Variants in CEP192 observed in about 807,000 individuals in gnomAD.
CEP192 encodes the protein centrosomal protein 192.
Under a neutral mutation model 271.8 loss-of-function variants are expected in CEP192, and 151 were observed. That is an observed-to-expected ratio of 0.56 (90% CI 0.49 to 0.64). The LOEUF (loss-of-function observed/expected upper bound fraction) is 0.64. CEP192 is among the 30% of genes least tolerant of loss of function. The pLI is 0.00. For missense variants in CEP192, 2,910 were observed against 3,020.5 expected, an observed-to-expected ratio of 0.96 and a Z score of 0.86; for synonymous variants, 995 against 1,076.5, an observed-to-expected ratio of 0.92 and a Z score of 1.48.
intron 19 of CEP192, 31 bp from the exon 20 acceptor site, chr18:13,057,553 TG>T: frequency 6.2e-7 from 1 of 1,604,374 alleles, no homozygotes; most frequent in South Asian, 1.1e-5. Flanking sequence ...TGCTGTAACT[TG>T]CATTTTTGAC....
chr18:13,052,857 T>C, intron 17 of CEP192, 62 bp from the exon 18 acceptor site: 16 of 1,316,520 alleles, frequency 1.2e-5, no homozygotes, highest in Non-Finnish European at 1.6e-5. Context: ...GAATGGTTTT[T>C]TGCTAATGTA....
At chr18:12,995,285 T>C (rs1343654074) in intron 1 of CEP192, among the ~76,000 whole-genome samples, 3 of 151,888 alleles carry the variant, frequency 2.0e-5, no homozygotes, top group Non-Finnish European at 2.9e-5. Flanking sequence ...AGGATGGTCT[T>C]GATCTCCTGA....
intron 34 of CEP192, among the ~76,000 whole-genome samples, chr18:13,094,370 T>C (rs2039289082): frequency 6.6e-6 from 1 of 152,238 alleles, no homozygotes; most frequent in Non-Finnish European, 1.5e-5. Flanking sequence ...TAATTGGCTC[T>C]TTACTATGAG....
rs527606492 is a variant in CEP192 at position 13,018,497 on chromosome 18, C to T, written c.807C>T (p.Ser269=). 4.3e-5 allele frequency: 66 copies of T among 1,532,180 alleles called. No homozygotes were observed. The highest frequency in any genetic ancestry group is 5.7e-5 in the Non-Finnish European group (65 of 1,134,880). 94.9% of individuals were successfully genotyped at this position (1,532,180 alleles called of 1,614,324 possible). Residue 269 remains serine, a synonymous_variant, in exon 8 of 45, where the codon AGC becomes AGT. Transcript: ENST00000506447. ...NGLRQANENG[S]LNCKFQSENN... is the part of the protein sequence containing the mutation. ...TTCAACAGGCAAATGAAAACGGTAG[C>T]TTAAACTGCAAGTTTCAATCAGAAA...
intron 12 of CEP192, among the ~76,000 whole-genome samples, chr18:13,038,146 G>A (rs920540994): frequency 6.6e-6 from 1 of 152,120 alleles, no homozygotes; most frequent in African/African-American, 2.4e-5. Context: ...ACTCATGATC[G>A]TGTGTATTAT....
At chr18:13,058,769 G>T in intron 20 of CEP192, 1 of 346,050 alleles carries the variant, frequency 2.9e-6, no homozygotes. Context: ...GTGCTAGAGA[G>T]ACTTACAGGG....
At chr18:13,093,057 G>A (rs1220343127) in intron 34 of CEP192, among the ~76,000 whole-genome samples, 1 of 152,172 alleles carries the variant, frequency 6.6e-6, no homozygotes, top group Non-Finnish European at 1.5e-5. Flanking sequence ...TACTGGGGAG[G>A]CTGAGGTAGG....
In CEP192 at chr18:13,071,022, A is replaced by G. The variant is rs528265787; in HGVS notation, c.5175-17A>G. ...ATTGAATACAGGACCTTCAACTTAG[A>G]ATTCTTTCTTTCTTAGGATCTTGAA... On this transcript the variant is annotated splice_polypyrimidine_tract_variant and intron_variant, in intron 27 of 44. Transcript: ENST00000506447. 290 of 1,606,690 alleles carry G rather than the reference A, an allele frequency of 1.8e-4. 3 individuals carry two copies. In the South Asian group the frequency reaches 3.1e-3, roughly 17 times the overall value.
chr18:13,113,523 G>T, intron 40 of CEP192, 63 bp from the exon 41 acceptor site: 1 of 1,496,106 alleles, frequency 6.7e-7, no homozygotes, highest in South Asian at 1.2e-5. Context: ...TTGAACTGGT[G>T]ATCTAGCTAA....
At position 13,052,231 on chromosome 18, in the gene CEP192, G is replaced by A. The variant is rs1315373573; in HGVS notation, c.3018-688G>A. Among the ~76,000 whole-genome samples the A allele has an allele frequency of 4.6e-5, 7 of 152,306 alleles. No homozygotes were observed. The East Asian group carries it at 5.8e-4, about 13-fold the overall frequency. On this transcript the variant is annotated intron_variant, in intron 17 of 44. Transcript: ENST00000506447. ...TCACTTCCTGATCTTTTCATTTTACGTTGTGTAGCAGGGACATCTTTCTGA... is the reference window on the plus strand; with the variant it reads ...TCACTTCCTGATCTTTTCATTTTACATTGTGTAGCAGGGACATCTTTCTGA...
At chr18:13,051,940 A>G (rs938215937) in intron 17 of CEP192, among the ~76,000 whole-genome samples, 1 of 152,246 alleles carries the variant, frequency 6.6e-6, no homozygotes, top group Non-Finnish European at 1.5e-5. Flanking sequence ...AAAAAGAAAG[A>G]TGGTGGAATC....
intron 23 of CEP192, 61 bp downstream of exon 23, chr18:13,068,298 A>G (rs1162913409): frequency 6.2e-7 from 1 of 1,602,604 alleles, no homozygotes; most frequent in East Asian, 2.2e-5. Context: ...CTTTTCTTTC[A>G]TTAAGATAGT....
At chr18:13,117,053 C>T (rs2040465612) in intron 43 of CEP192, among the ~76,000 whole-genome samples, 1 of 142,674 alleles carries the variant, frequency 7.0e-6, no homozygotes, top group Non-Finnish European at 1.5e-5. Flanking sequence ...GAGACTCCAT[C>T]TCTACCAAAA....
At chr18:13,005,337 T>C (rs1352384064) in intron 3 of CEP192, among the ~76,000 whole-genome samples, 1 of 152,096 alleles carries the variant, frequency 6.6e-6, no homozygotes, top group Non-Finnish European at 1.5e-5. Flanking sequence ...GTTTTGTTTG[T>C]TGGGGAGTAG....
At chr18:13,068,737 A>C in intron 24 of CEP192, 115 bp from the exon 25 acceptor site, 1 of 1,041,978 alleles carries the variant, frequency 9.6e-7, no homozygotes, top group Non-Finnish European at 1.4e-6. Flanking sequence ...TCTTTAAAAA[A>C]TCTGCTTGCC....
chr18:13,037,363 C>T (rs2035972920), intron 12 of CEP192, 62 bp downstream of exon 12: 1 of 682,272 alleles, frequency 1.5e-6, no homozygotes, highest in Non-Finnish European at 2.6e-6. Flanking sequence ...TAAGTGTAGG[C>T]ACAGTGTTCA....
chr18:13,016,131 T>C (rs1465309532), intron 6 of CEP192, among the ~76,000 whole-genome samples: 1 of 152,196 alleles, frequency 6.6e-6, no homozygotes, highest in Non-Finnish European at 1.5e-5. Flanking sequence ...AGATTGGTTT[T>C]CATAAACCCA....
At chr18:13,057,556 A>G (rs2037179065) in intron 19 of CEP192, 29 bp from the exon 20 acceptor site, 4 of 1,605,742 alleles carry the variant, frequency 2.5e-6, no homozygotes, top group East Asian at 2.2e-5. Flanking sequence ...TGTAACTTGC[A>G]TTTTTGACTG....
At chr18:13,032,484 C>T (rs67955156) in intron 11 of CEP192, among the ~76,000 whole-genome samples, 4 of 151,918 alleles carry the variant, frequency 2.6e-5, no homozygotes, top group African/African-American at 9.7e-5. Flanking sequence ...TGATGCAGAC[C>T]GAATGGTGGA....
Sources: gnomAD v4.1 joint callset for allele counts (sites outside exome capture counted in the v4.1 genomes callset) on GRCh38, gnomAD v4.1.1 for gene constraint, MANE v1.5 for transcripts, NCBI Gene and HGNC (gene_info 2026-07-23, HGNC 2026-07-21) for gene names.